Variants in ADPRHL1 observed in about 807,000 individuals in gnomAD.
The protein encoded by ADPRHL1 is ADP-ribosylhydrolase like 1.
Under a neutral mutation model 44.1 loss-of-function variants are expected in ADPRHL1, and 43 were observed. That is an observed-to-expected ratio of 0.98 (90% CI 0.76 to 1.26). The LOEUF (loss-of-function observed/expected upper bound fraction) is 1.26, where lower values mean the gene tolerates loss of function less well. Ranked by LOEUF, ADPRHL1 falls within the 50% of genes most tolerant of loss-of-function variation. ADPRHL1 has a pLI of 0.00. For missense variants in ADPRHL1, 2,022 were observed against 2,496.9 expected (o/e 0.81, Z 4.05); for synonymous variants, 878 against 1,017.4 (o/e 0.86, Z 2.61).
chr13:113,437,339 G>C (rs139736231), intron 2 of ADPRHL1, among the ~76,000 whole-genome samples: 210 of 151,620 alleles, frequency 1.4e-3, no homozygotes, highest in African/African-American at 4.7e-3. Context: ...CCCAGGTGTA[G>C]AGTGAACATA....
rs890133628 is a variant in ADPRHL1, at chr13:113,416,331, T to C, written c.1061+6495A>G. ...TTTTTGTGACCTACATAAGATCTTATATGTGACTGACTTAGCTGGGACCCA... is the reference window on the plus strand; with the variant it reads ...TTTTTGTGACCTACATAAGATCTTACATGTGACTGACTTAGCTGGGACCCA... On this transcript the variant is annotated intron_variant, in intron 7 of 7. Coordinates refer to ENST00000612156, the MANE Select transcript of ADPRHL1 (RefSeq NM_001394807.1). Among the ~76,000 whole-genome samples the C allele has an allele frequency of 4.6e-5, 7 of 152,162 alleles. No homozygotes were observed. In the East Asian group the frequency reaches 9.6e-4, roughly 21 times the overall value.
intron 7 of ADPRHL1, among the ~76,000 whole-genome samples, chr13:113,419,177 C>A (rs1406590820): frequency 2.1e-5 from 3 of 140,554 alleles, no homozygotes; most frequent in Non-Finnish European, 4.6e-5. Context: ...TGTGATCTCA[C>A]CTCACGGCAA....
chr13:113,447,447 GGTGT>G (rs1231685468), intron 1 of ADPRHL1, among the ~76,000 whole-genome samples: 3 of 151,746 alleles, frequency 2.0e-5, no homozygotes, highest in Non-Finnish European at 2.9e-5. Context: ...CACTCATGGT[GGTGT>G]GTGTGTATGG....
At chr13:113,425,498 A>C (rs1486690366) in intron 4 of ADPRHL1, among the ~76,000 whole-genome samples, 2 of 148,464 alleles carry the variant, frequency 1.3e-5, no homozygotes, top group African/African-American at 5.0e-5. Flanking sequence ...CTGCCTCCCG[A>C]GTAGCTGGGA....
rs113691271 is a variant in ADPRHL1, at chr13:113,412,886, A to G, written c.1062-4666T>C. Among the ~76,000 whole-genome samples, 74 of 27,758 alleles carry G rather than the reference A, an allele frequency of 2.7e-3. 1 individual carries two copies. Among genetic ancestry groups the G allele is most frequent in the South Asian group, 0.01 (8 of 792 alleles). The allele number at this position is 27,758 out of a possible 152,430, so 18.2% of individuals were successfully genotyped here. A position where few individuals can be genotyped will look rare whatever the true frequency, so the allele number is the denominator to read the frequency against. ...TCACCCACCGCCAACAGCGCCCCGCAGAGCTCGGTTCACCCACCGCCAACA... is the reference window on the plus strand; with the variant it reads ...TCACCCACCGCCAACAGCGCCCCGCGGAGCTCGGTTCACCCACCGCCAACA... On this transcript the variant is annotated intron_variant, in intron 7 of 7. Transcript: ENST00000612156.
intron 1 of ADPRHL1, among the ~76,000 whole-genome samples, chr13:113,451,141 C>T (rs1038925622): frequency 1.3e-5 from 2 of 152,232 alleles, no homozygotes; most frequent in Admixed American, 1.3e-4. Context: ...CTGGTCACAC[C>T]TCACTATGTC....
chr13:113,431,791 C>T (rs1335969376), intron 3 of ADPRHL1, among the ~76,000 whole-genome samples: 1 of 152,146 alleles, frequency 6.6e-6, no homozygotes, highest in South Asian at 2.1e-4. Flanking sequence ...TCTCAGCTCA[C>T]TGCAACCTCC....
At chr13:113,423,200 C>T (rs11844004) in intron 6 of ADPRHL1, among the ~76,000 whole-genome samples, 9,799 of 151,964 alleles carry the variant, frequency 0.064, 375 homozygotes, top group African/African-American at 0.075. Flanking sequence ...GAGGTGGCAA[C>T]GAGCCGAGAT....
chr13:113,424,571 C>T (rs1194538678), intron 5 of ADPRHL1, among the ~76,000 whole-genome samples: 1 of 151,816 alleles, frequency 6.6e-6, no homozygotes, highest in Non-Finnish European at 1.5e-5. Context: ...TCTCCTGCCT[C>T]AGCCTCCCGA....
chr13:113,425,159 A>G lies in ADPRHL1; in HGVS notation c.667T>C (p.Tyr223His), dbSNP rs765649326. Residue 223 changes from tyrosine to histidine, a missense_variant, in exon 5 of 8, where the codon TAC becomes CAC. Tyr to His is a moderately conservative substitution (Grantham distance 83). Around this residue, in one of 8 missense-constraint regions of ADPRHL1, gnomAD observed 437 missense variants for 430.7 expected, o/e 1.01. Transcript: ENST00000612156. Reference protein sequence around the residue: ...HTAEYQEHWFYFEAKWQFYLE... With the variant: ...HTAEYQEHWFHFEAKWQFYLE... The stretch of plus-strand genomic sequence containing the variant: ...TAAAATTGCCATTTAGCTTCAAAGT[A>G]AAACCAGTGCTCCTGGTATTCTAAA... 7 of 1,613,136 alleles carry G rather than the reference A, an allele frequency of 4.3e-6. No individual in the cohort carries two copies. In the African/African-American group the frequency reaches 6.7e-5, roughly 15 times the overall value.
chr13:113,408,273 G>T, intron 7 of ADPRHL1, 53 bp from the exon 8 acceptor site: 1 of 1,230,528 alleles, frequency 8.1e-7, no homozygotes, highest in Non-Finnish European at 1.0e-6. Context: ...TCTCCAAGAT[G>T]ACTCTATAGA....
At chr13:113,446,674 T>G (rs527621697) in intron 1 of ADPRHL1, among the ~76,000 whole-genome samples, 1 of 151,938 alleles carries the variant, frequency 6.6e-6, no homozygotes, top group African/African-American at 2.4e-5. Context: ...TGGTGTTGTC[T>G]ACACACATGG....
rs1164781990 is a variant in ADPRHL1 at position 113,433,733 on chromosome 13, C to T, written c.505+9G>A. 6.3e-7 allele frequency: 1 copy of T among 1,585,866 alleles called. No homozygotes were observed. Among genetic ancestry groups the T allele is most frequent in the South Asian group, 1.1e-5 (1 of 87,714 alleles). ...GCTGACCTCCCTCCCACCCCCCGCC[C>T]ACACTTACCTGTGGGATGGTTGTGG... On this transcript the variant is annotated intron_variant, in intron 3 of 7. Transcript: ENST00000612156.
rs2043814817 is a variant in ADPRHL1 at position 113,407,120 on chromosome 13, A to G, written c.2162T>C (p.Val721Ala). The G allele has an allele frequency of 1.6e-6, 2 of 1,232,270 alleles. No homozygotes were observed. Among genetic ancestry groups the G allele is most frequent in the Non-Finnish European group, 2.0e-6 (2 of 988,060 alleles). The allele number at this position is 1,232,270 out of a possible 1,614,324, so 76.3% of individuals were successfully genotyped here. ...PCTGGVLPGL[V>A]PASSPLGPAS... ...CGGTCCCAGTGGGGATGATGCAGGC[A>G]CAAGGCCAGGAAGGACTCCACCTGT... Residue 721 changes from valine (V) to alanine (A), a missense_variant, in exon 8 of 8, where the codon GTG (valine) becomes GCG (alanine). Val to Ala is a moderately conservative substitution (Grantham distance 64). This residue lies in a region of ADPRHL1 where 1,221 missense variants were observed against 1,517.8 expected (regional missense o/e 0.80). Transcript: ENST00000612156.
intron 2 of ADPRHL1, among the ~76,000 whole-genome samples, chr13:113,442,502 C>A (rs1016194493): frequency 1.2e-4 from 19 of 152,296 alleles, no homozygotes; most frequent in African/African-American, 4.3e-4. Flanking sequence ...GTATTTTTTT[C>A]AGTAGCTTAA....
chr13:113,431,237 G>T (rs1428910093), intron 3 of ADPRHL1, among the ~76,000 whole-genome samples: 2 of 152,246 alleles, frequency 1.3e-5, no homozygotes, highest in East Asian at 1.9e-4. Flanking sequence ...GTGGGGAAAA[G>T]ATGACCCTAA....
chr13:113,423,198 A>G (rs2043939405), intron 6 of ADPRHL1, among the ~76,000 whole-genome samples: 1 of 152,118 alleles, frequency 6.6e-6, no homozygotes, highest in African/African-American at 2.4e-5. Context: ...CAGAGGTGGC[A>G]ACGAGCCGAG....
At chr13:113,423,228 G>A (rs1245376563) in intron 6 of ADPRHL1, among the ~76,000 whole-genome samples, 2 of 151,938 alleles carry the variant, frequency 1.3e-5, no homozygotes, top group Non-Finnish European at 2.9e-5. Context: ...CTGCACTCCA[G>A]CCGGAGTGAC....
Position 113,399,945 on chromosome 13 carries a change from GC to G in ADPRHL1, c.*3432del, listed in dbSNP as rs2043743833. Reference sequence around the variant, plus strand: ...CTCGTCGCCGTCTCGGGACCTTCCTGCCGCCTGAGTGCACCGCCTCCCGCCC... The same window carrying G: ...CTCGTCGCCGTCTCGGGACCTTCCTGCGCCTGAGTGCACCGCCTCCCGCCC... On this transcript the variant is annotated 3_prime_UTR_variant, in exon 8 of 8. Coordinates refer to ENST00000612156, the MANE Select transcript of ADPRHL1 (RefSeq NM_001394807.1). 6.6e-6 allele frequency: 1 copy of G among 151,636 alleles called. No homozygotes were observed. The highest frequency in any genetic ancestry group is 1.5e-5 in the Non-Finnish European group (1 of 67,860). The allele number at this position is 151,636 out of a possible 1,614,324, so 9.4% of individuals were successfully genotyped here. A position where few individuals can be genotyped will look rare whatever the true frequency, so the allele number is the denominator to read the frequency against.
Sources: gnomAD v4.1 joint callset for allele counts (sites outside exome capture counted in the v4.1 genomes callset) on GRCh38, gnomAD v4.1.1 for gene constraint, gnomAD v4.1.1 regional missense constraint, MANE v1.5 for transcripts, NCBI Gene and HGNC (gene_info 2026-07-23, HGNC 2026-07-21) for gene names.